DNAH5: variants seen among roughly 807,000 people sequenced by gnomAD.
DNAH5 encodes axonemal beta dynein heavy chain 5.
In DNAH5, 372 loss-of-function variants were observed where a neutral mutation model predicts 518.2. That is an observed-to-expected ratio of 0.72 (90% CI 0.66 to 0.78). The LOEUF (loss-of-function observed/expected upper bound fraction) is 0.78, where lower values mean the gene tolerates loss of function less well. Among genes scored for constraint, DNAH5 ranks in the 30% least tolerant of loss-of-function variants. DNAH5 has a pLI of 0.00. For synonymous variants in DNAH5, 2,039 were observed against 2,025.9 expected, an observed-to-expected ratio of 1.01 and a Z score of -0.17; for missense variants, 5,523 against 5,687.0, an observed-to-expected ratio of 0.97 and a Z score of 0.93.
intron 12 of DNAH5, among the ~76,000 whole-genome samples, chr5:13,903,718 C>T (rs541427835): frequency 6.6e-6 from 1 of 152,092 alleles, no homozygotes; most frequent in South Asian, 2.1e-4. Context: ...CTTCTAAGGG[C>T]TGACGGAAAA....
chr5:13,917,380 G>A (rs1776758256), intron 7 of DNAH5, 124 bp from the exon 8 acceptor site: 1 of 740,416 alleles, frequency 1.4e-6, no homozygotes, highest in South Asian at 1.5e-5. Flanking sequence ...ACAGAAAACT[G>A]AATCCAGAGG....
chr5:13,754,861 T>C (rs1277780953), intron 61 of DNAH5, among the ~76,000 whole-genome samples: 1 of 151,716 alleles, frequency 6.6e-6, no homozygotes, highest in Non-Finnish European at 1.5e-5. Flanking sequence ...TAAAAACAAA[T>C]GGTTCCGGTG....
intron 10 of DNAH5, 46 bp from the exon 11 acceptor site, chr5:13,914,004 A>T: frequency 6.3e-7 from 1 of 1,595,952 alleles, no homozygotes; most frequent in Non-Finnish European, 8.5e-7. Flanking sequence ...CAAGAAAGGT[A>T]TCAACTTTAT....
intron 1 of DNAH5, among the ~76,000 whole-genome samples, chr5:13,936,610 G>A (rs1218489345): frequency 6.6e-6 from 1 of 152,174 alleles, no homozygotes. Flanking sequence ...ACTTGAAAGA[G>A]GTTTGTGAGG....
At position 13,944,487 on chromosome 5, in the gene DNAH5, C is replaced by T. The variant is rs1174744466; in HGVS notation, c.-49G>A. On this transcript the variant is annotated 5_prime_UTR_variant, in exon 1 of 79. It removes the in-frame stop codon of an upstream open reading frame in the 5' UTR. Coordinates refer to ENST00000265104, the MANE Select transcript of DNAH5 (RefSeq NM_001369.3). ...GAGTCAGCTCTTCCGGAATGGTCTTCTAACTCCTGGCAGACCTGCTCAACA... is the reference window on the plus strand; with the variant it reads ...GAGTCAGCTCTTCCGGAATGGTCTTTTAACTCCTGGCAGACCTGCTCAACA... 6.4e-7 allele frequency: 1 copy of T among 1,563,762 alleles called. No individual in the cohort carries two copies. The highest frequency in any genetic ancestry group is 2.2e-5 in the East Asian group (1 of 44,586).
At chr5:13,695,326 C>T (rs10038468) in intron 78 of DNAH5, among the ~76,000 whole-genome samples, 1 of 151,390 alleles carries the variant, frequency 6.6e-6, no homozygotes, top group African/African-American at 2.4e-5. Flanking sequence ...GGGAGGTATA[C>T]GGAGGGAGAG....
chr5:13,893,237 AGGG>A (rs1186721169), intron 16 of DNAH5, among the ~76,000 whole-genome samples: 2 of 152,130 alleles, frequency 1.3e-5, no homozygotes, highest in Non-Finnish European at 2.9e-5. Flanking sequence ...GAGAGACCTG[AGGG>A]GCGGAGTTGG....
chr5:13,819,536 T>C (rs1049069556), intron 41 of DNAH5, among the ~76,000 whole-genome samples: 1 of 152,044 alleles, frequency 6.6e-6, no homozygotes, highest in Non-Finnish European at 1.5e-5. Flanking sequence ...CAGGTACCTC[T>C]TTGCTGGATG....
At chr5:13,923,525 T>C in intron 3 of DNAH5, 85 bp from the exon 4 acceptor site, 1 of 1,499,036 alleles carries the variant, frequency 6.7e-7, no homozygotes, top group South Asian at 1.2e-5. Context: ...CTTGTTAAAA[T>C]ATTGCCATTG....
At chr5:13,945,902 C>A (rs1007601751), upstream of DNAH5, among the ~76,000 whole-genome samples, 1 of 152,184 alleles carries the variant, frequency 6.6e-6, no homozygotes. Context: ...CCAGGCCAGG[C>A]CCTGCAGGAT....
At chr5:13,706,407 T>A (rs778467804) in intron 76 of DNAH5, among the ~76,000 whole-genome samples, 6 of 151,506 alleles carry the variant, frequency 4.0e-5, no homozygotes, top group Non-Finnish European at 7.4e-5. Flanking sequence ...GGGTGTGGAG[T>A]CCCCCAGACA....
chr5:13,732,498 C>T (rs1398290751), intron 68 of DNAH5, among the ~76,000 whole-genome samples: 1 of 152,132 alleles, frequency 6.6e-6, no homozygotes, highest in African/African-American at 2.4e-5. Context: ...TCCCAAGTAG[C>T]TGGGACTACA....
chr5:13,923,860 G>A (rs866838072), intron 3 of DNAH5, among the ~76,000 whole-genome samples: 13 of 151,860 alleles, frequency 8.6e-5, no homozygotes, highest in South Asian at 2.1e-4. Context: ...CCTGGTCAAC[G>A]TGATGAAACC....
intron 51 of DNAH5, among the ~76,000 whole-genome samples, chr5:13,787,479 G>T (rs1009100422): frequency 2.0e-5 from 3 of 152,070 alleles, no homozygotes; most frequent in Non-Finnish European, 4.4e-5. Flanking sequence ...TGACCTATCT[G>T]CAAAGCTCTC....
Position 13,843,236 on chromosome 5 carries a change from T to C in DNAH5, c.5272-1332A>G, listed in dbSNP as rs1012945089. Reference sequence around the variant, plus strand: ...CCTGATTTTGCAATGGCTTCTTACATTGATTTCCTTGCCCCCTTTCATTCC... The same window carrying C: ...CCTGATTTTGCAATGGCTTCTTACACTGATTTCCTTGCCCCCTTTCATTCC... On this transcript the variant is annotated intron_variant, in intron 32 of 78. Coordinates refer to ENST00000265104, the MANE Select transcript of DNAH5 (RefSeq NM_001369.3). 7.9e-5 allele frequency among the ~76,000 whole-genome samples: 12 copies of C among 152,310 alleles called. No homozygotes were observed. The East Asian group carries it at 9.6e-4, about 12-fold the overall frequency.
At chr5:13,884,337 TTTA>T (rs1482991591) in intron 19 of DNAH5, among the ~76,000 whole-genome samples, 1 of 152,206 alleles carries the variant, frequency 6.6e-6, no homozygotes, top group African/African-American at 2.4e-5. Flanking sequence ...TTAAAATAAT[TTTA>T]TATTTTTTCA....
At chr5:13,871,920 T>C (rs1042469391) in intron 22 of DNAH5, among the ~76,000 whole-genome samples, 155 bp from the exon 23 acceptor site, 1 of 152,210 alleles carries the variant, frequency 6.6e-6, no homozygotes, top group African/African-American at 2.4e-5. Context: ...ACTGGGACTA[T>C]ATACAATAGT....
chr5:13,943,756 T>C (rs148281167), intron 1 of DNAH5, among the ~76,000 whole-genome samples: 1 of 152,312 alleles, frequency 6.6e-6, no homozygotes, highest in Admixed American at 6.5e-5. Flanking sequence ...TCAAGCCCAG[T>C]AGGAAGCATG....
chr5:13,735,482 CA>C (rs1747257907), intron 67 of DNAH5, among the ~76,000 whole-genome samples, 161 bp from the exon 68 acceptor site: 2 of 152,146 alleles, frequency 1.3e-5, no homozygotes, highest in South Asian at 2.1e-4. Context: ...AGAATTCTCT[CA>C]ACATGAAATA....
Sources: allele counts gnomAD v4.1 joint callset (sites outside exome capture counted in the v4.1 genomes callset), GRCh38; gene constraint gnomAD v4.1.1; transcripts MANE v1.5; gene names NCBI Gene and HGNC (gene_info 2026-07-23, HGNC 2026-07-21).